PPP1R9A: variants seen among roughly 807,000 people sequenced by gnomAD.
PPP1R9A encodes neurabin-1.
PPP1R9A carries 59 observed loss-of-function variants against 141.9 expected under a neutral mutation model. The observed-to-expected ratio is 0.42, with a 90% CI of 0.34 to 0.52. The LOEUF is 0.52. Among genes scored for constraint, PPP1R9A ranks in the 20% least tolerant of loss-of-function variants. The probability of loss-of-function intolerance (pLI) is 0.10; values close to 1 mark genes in which losing one functional copy is unlikely to be tolerated. For synonymous variants in PPP1R9A, 500 were observed against 569.7 expected (o/e 0.88, Z 1.74); for missense variants, 1,444 against 1,611.9 (o/e 0.90, Z 1.78).
intron 2 of PPP1R9A, among the ~76,000 whole-genome samples, chr7:95,097,628 A>C (rs1287928810): frequency 1.3e-5 from 2 of 152,234 alleles, no homozygotes; most frequent in East Asian, 3.8e-4. Context: ...TTTGAAGTAC[A>C]ATATGTCCTC....
intron 2 of PPP1R9A, among the ~76,000 whole-genome samples, chr7:95,020,394 T>C (rs182289819): frequency 1.3e-5 from 2 of 152,180 alleles, no homozygotes; most frequent in Non-Finnish European, 2.9e-5. Flanking sequence ...ATTTTATTAT[T>C]TTTTAGAATA....
chr7:94,984,658 C>G (rs954088675), intron 2 of PPP1R9A, among the ~76,000 whole-genome samples: 2 of 152,080 alleles, frequency 1.3e-5, no homozygotes, highest in Non-Finnish European at 2.9e-5. Flanking sequence ...GTTTGTATTT[C>G]CTTGAGATCG....
chr7:94,962,050 T>C (rs1797702986), intron 2 of PPP1R9A, among the ~76,000 whole-genome samples: 1 of 151,992 alleles, frequency 6.6e-6, no homozygotes, highest in African/African-American at 2.4e-5. Flanking sequence ...GTACATCAAC[T>C]AATCCCCTAG....
At chr7:95,159,489 T>A (rs1336799474) in intron 4 of PPP1R9A, among the ~76,000 whole-genome samples, 1 of 152,212 alleles carries the variant, frequency 6.6e-6, no homozygotes. Context: ...TAGGTATACA[T>A]GTGCCACGGT....
At chr7:95,082,782 T>G (rs2152294158) in intron 2 of PPP1R9A, among the ~76,000 whole-genome samples, 1 of 147,678 alleles carries the variant, frequency 6.8e-6, no homozygotes, top group Admixed American at 6.7e-5. Context: ...TTTTTTTTTT[T>G]TTTTTTTGAG....
At chr7:95,032,418 G>T (rs541911425) in intron 2 of PPP1R9A, among the ~76,000 whole-genome samples, 1 of 152,052 alleles carries the variant, frequency 6.6e-6, no homozygotes, top group Non-Finnish European at 1.5e-5. Flanking sequence ...TCACTATTCA[G>T]GAAGATTTAC....
intron 2 of PPP1R9A, among the ~76,000 whole-genome samples, chr7:94,993,292 A>G (rs928552957): frequency 2.6e-5 from 4 of 152,106 alleles, no homozygotes; most frequent in Non-Finnish European, 4.4e-5. Flanking sequence ...CCAGTACCAC[A>G]TTCTGTTATG....
At chr7:95,163,589 A>G (rs1830741197) in intron 5 of PPP1R9A, among the ~76,000 whole-genome samples, 1 of 152,210 alleles carries the variant, frequency 6.6e-6, no homozygotes, top group Non-Finnish European at 1.5e-5. Flanking sequence ...GAAATCTGAA[A>G]TGCTCTAATG....
chr7:95,284,689 A>G (rs1361144620), intron 17 of PPP1R9A, among the ~76,000 whole-genome samples: 1 of 152,240 alleles, frequency 6.6e-6, no homozygotes, highest in Non-Finnish European at 1.5e-5. Flanking sequence ...ATGATGACAT[A>G]GCATCCTTAT....
intron 2 of PPP1R9A, among the ~76,000 whole-genome samples, chr7:95,082,213 G>A (rs886710392): frequency 6.6e-6 from 1 of 152,146 alleles, no homozygotes; most frequent in Non-Finnish European, 1.5e-5. Context: ...GAAAAATAGG[G>A]CTAACCAAAA....
At chr7:95,022,131 T>C (rs1806059446) in intron 2 of PPP1R9A, among the ~76,000 whole-genome samples, 1 of 152,220 alleles carries the variant, frequency 6.6e-6, no homozygotes, top group African/African-American at 2.4e-5. Flanking sequence ...TTTGTGTGTG[T>C]CCTCTCTTAT....
chr7:95,080,182 GA>G (rs1815574459), intron 2 of PPP1R9A, among the ~76,000 whole-genome samples: 1 of 152,182 alleles, frequency 6.6e-6, no homozygotes, highest in Non-Finnish European at 1.5e-5. Flanking sequence ...TGTATAGCTA[GA>G]AAACCCCCAT....
chr7:95,204,180 G>A (rs1473947085), intron 7 of PPP1R9A, among the ~76,000 whole-genome samples: 1 of 152,076 alleles, frequency 6.6e-6, no homozygotes, highest in Non-Finnish European at 1.5e-5. Context: ...AATTATAGTA[G>A]TATTTAGTTG....
At chr7:95,029,537 G>A (rs1297071983) in intron 2 of PPP1R9A, among the ~76,000 whole-genome samples, 1 of 152,210 alleles carries the variant, frequency 6.6e-6, no homozygotes, top group African/African-American at 2.4e-5. Context: ...ATCAGTGAAT[G>A]AAGGGAGCCC....
chr7:95,158,481 C>T (rs1451091362), intron 4 of PPP1R9A, among the ~76,000 whole-genome samples: 2 of 152,004 alleles, frequency 1.3e-5, no homozygotes, highest in South Asian at 2.1e-4. Flanking sequence ...ATAGTGAGAC[C>T]CCATCCCCCA....
At chr7:95,273,241 G>T (rs921896157) in intron 14 of PPP1R9A, among the ~76,000 whole-genome samples, 6 of 152,196 alleles carry the variant, frequency 3.9e-5, no homozygotes, top group Admixed American at 2.6e-4. Context: ...AGGGGAACCA[G>T]CCAAGTTTTG....
intron 2 of PPP1R9A, among the ~76,000 whole-genome samples, chr7:95,072,863 AATATAATATAATATT>A (rs1454239067): frequency 9.0e-6 from 1 of 110,998 alleles, no homozygotes; most frequent in South Asian, 2.3e-4. Flanking sequence ...TAAGTTATAT[AATATAATATAATATT>A]ATATAATATA....
chr7:95,285,806 A>G (rs1805204553), intron 17 of PPP1R9A, among the ~76,000 whole-genome samples: 1 of 152,222 alleles, frequency 6.6e-6, no homozygotes, highest in African/African-American at 2.4e-5. Flanking sequence ...CCTTTCTAAT[A>G]TGAATTGCCA....
At chr7:94,990,845 G>A (rs12540167) in intron 2 of PPP1R9A, among the ~76,000 whole-genome samples, 10,296 of 151,920 alleles carry the variant, frequency 0.068, 468 homozygotes, top group East Asian at 0.14. Context: ...CATAATGTCC[G>A]CCAGTTCCAT....
Sources: allele counts gnomAD v4.1 joint callset (sites outside exome capture counted in the v4.1 genomes callset), GRCh38; gene constraint gnomAD v4.1.1; transcripts MANE v1.5; gene names NCBI Gene and HGNC (gene_info 2026-07-23, HGNC 2026-07-21).